SEMA3D: variants seen among roughly 807,000 people sequenced by gnomAD.
SEMA3D encodes the protein semaphorin 3D, also known as semaphorin-3D.
A neutral mutation model predicts 100.1 loss-of-function variants in SEMA3D; 84 were observed. That is an observed-to-expected ratio of 0.84 (90% CI 0.70 to 1.01). The LOEUF is 1.01. SEMA3D is among the 50% of genes least tolerant of loss of function. The pLI is 0.00. For missense variants in SEMA3D, 875 were observed against 934.1 expected, an observed-to-expected ratio of 0.94 and a Z score of 0.82; for synonymous variants, 312 against 320.7, an observed-to-expected ratio of 0.97 and a Z score of 0.29.
At chr7:85,058,328 C>G (rs941041333) in intron 8 of SEMA3D, among the ~76,000 whole-genome samples, 1 of 152,176 alleles carries the variant, frequency 6.6e-6, no homozygotes, top group Non-Finnish European at 1.5e-5. Flanking sequence ...TCCCCAACCC[C>G]TGCCCCGGCC....
intron 12 of SEMA3D, chr7:85,029,080 A>T (rs1790472591): frequency 3.6e-6 from 2 of 549,112 alleles, no homozygotes; most frequent in South Asian, 1.7e-5. Context: ...GTGTGATGCT[A>T]CCATTCCTAC....
chr7:85,011,452 T>G (rs1212299341), intron 17 of SEMA3D, among the ~76,000 whole-genome samples: 1 of 151,818 alleles, frequency 6.6e-6, no homozygotes, highest in Non-Finnish European at 1.5e-5. Context: ...AGGCAGCAAC[T>G]ACGTTTTGTA....
chr7:85,006,741 A>G (rs1253473160), intron 18 of SEMA3D, 61 bp downstream of exon 18: 3 of 1,355,900 alleles, frequency 2.2e-6, no homozygotes, highest in African/African-American at 3.0e-5. Context: ...TAAAAGTTGA[A>G]CATCTCTCAA....
At chr7:85,149,519 CAAT>C (rs1055354450) in intron 2 of SEMA3D, among the ~76,000 whole-genome samples, 18 of 152,210 alleles carry the variant, frequency 1.2e-4, no homozygotes, top group African/African-American at 4.3e-4. Flanking sequence ...TTGCCTCAAA[CAAT>C]GATGATGGTC....
intron 5 of SEMA3D, among the ~76,000 whole-genome samples, chr7:85,073,478 G>A (rs1791834231): frequency 6.6e-6 from 1 of 151,422 alleles, no homozygotes; most frequent in Admixed American, 6.6e-5. Flanking sequence ...TCAAACTCCT[G>A]GACTCAAGAG....
the SEMA3D span, among the ~76,000 whole-genome samples, chr7:85,232,005 A>AC: frequency 1.3e-5 from 2 of 152,192 alleles, no homozygotes; most frequent in Admixed American, 1.3e-4. Flanking sequence ...TCCAGTGAAA[A>AC]CGAAAAAGAT....
chr7:85,054,870 AAT>A (rs1486075118), intron 9 of SEMA3D, among the ~76,000 whole-genome samples: 3 of 152,104 alleles, frequency 2.0e-5, no homozygotes, highest in African/African-American at 7.2e-5. Context: ...GCAGAAAAAT[AAT>A]ATACTGAAGT....
the SEMA3D span, among the ~76,000 whole-genome samples, chr7:85,227,044 C>T: frequency 2.6e-5 from 4 of 152,082 alleles, no homozygotes; most frequent in Admixed American, 6.6e-5. Flanking sequence ...TCCCTTTCCA[C>T]GGTTTATTTT....
chr7:85,173,232 A>G (rs558315253), intron 1 of SEMA3D, among the ~76,000 whole-genome samples: 104 of 152,206 alleles, frequency 6.8e-4, no homozygotes, highest in Middle Eastern at 6.8e-3. Flanking sequence ...AATGTTATGA[A>G]TCCAGTAGTA....
intron 8 of SEMA3D, among the ~76,000 whole-genome samples, chr7:85,060,150 G>A (rs916153229): frequency 2.6e-5 from 4 of 152,106 alleles, no homozygotes; most frequent in Admixed American, 2.0e-4. Context: ...TGGCTCTCTT[G>A]CAAGTACTGT....
intron 2 of SEMA3D, chr7:85,141,639 C>T: frequency 1.0e-6 from 1 of 984,348 alleles, no homozygotes; most frequent in Non-Finnish European, 1.2e-6. Context: ...TTTCACCCAT[C>T]AGAGCAAATC....
At chr7:85,027,037 A>C (rs1165458701) in intron 12 of SEMA3D, among the ~76,000 whole-genome samples, 1 of 152,098 alleles carries the variant, frequency 6.6e-6, no homozygotes, top group Non-Finnish European at 1.5e-5. Flanking sequence ...ATGTATTATT[A>C]TCCTATGATC....
intron 1 of SEMA3D, among the ~76,000 whole-genome samples, chr7:85,169,341 A>G (rs925309484): frequency 8.6e-5 from 13 of 151,858 alleles, no homozygotes; most frequent in Admixed American, 3.3e-4. Flanking sequence ...ATATATTTAG[A>G]ATAAAATTGA....
In SEMA3D at chr7:84,996,813, T is replaced by G. The variant is rs1789513636; in HGVS notation, c.*2627A>C. The stretch of plus-strand genomic sequence containing the variant: ...CATATTTGAAACCATTAACTATACT[T>G]TTCTTTTTCATTATTTTAAGGCAAA... On this transcript the variant is annotated 3_prime_UTR_variant, in exon 19 of 19. Transcript: ENST00000284136. 6.6e-6 allele frequency: 1 copy of G among 152,014 alleles called. No homozygotes were observed. Among genetic ancestry groups the G allele is most frequent in the East Asian group, 1.9e-4 (1 of 5,202 alleles). The allele number at this position is 152,014 out of a possible 1,614,324, so 9.4% of individuals were successfully genotyped here.
chr7:85,111,641 G>T (rs753644828), intron 3 of SEMA3D, among the ~76,000 whole-genome samples: 6 of 151,974 alleles, frequency 3.9e-5, no homozygotes, highest in Non-Finnish European at 7.4e-5. Context: ...TCTGTGTATT[G>T]TCAACATAGA....
the SEMA3D span, among the ~76,000 whole-genome samples, chr7:85,210,274 A>G: frequency 3.3e-5 from 5 of 152,250 alleles, no homozygotes; most frequent in Admixed American, 2.0e-4. Flanking sequence ...CTATTAAAAC[A>G]TGGTTAATCA....
At chr7:85,191,691 G>T (rs540341417), upstream of SEMA3D, among the ~76,000 whole-genome samples, 4 of 152,258 alleles carry the variant, frequency 2.6e-5, no homozygotes, top group South Asian at 4.1e-4. Context: ...GCAGTAACTG[G>T]CAAGAGCAGG....
At chr7:85,095,762 T>A (rs1389359817) in intron 4 of SEMA3D, among the ~76,000 whole-genome samples, 1 of 152,034 alleles carries the variant, frequency 6.6e-6, no homozygotes, top group East Asian at 1.9e-4. Flanking sequence ...TAAAGAAATA[T>A]CAGTTATGTA....
intron 12 of SEMA3D, among the ~76,000 whole-genome samples, 188 bp from the exon 13 acceptor site, chr7:85,022,801 T>C (rs1411500543): frequency 6.6e-6 from 1 of 151,960 alleles, no homozygotes; most frequent in Non-Finnish European, 1.5e-5. Flanking sequence ...CCCAGTTTTC[T>C]CCTTCAAAAA....
Sources: gnomAD v4.1 joint callset for allele counts (sites outside exome capture counted in the v4.1 genomes callset) on GRCh38, gnomAD v4.1.1 for gene constraint, MANE v1.5 for transcripts, NCBI Gene and HGNC (gene_info 2026-07-23, HGNC 2026-07-21) for gene names.